The following PCNX1 variants were observed in gnomAD, a reference collection of about 807,000 sequenced individuals.
The protein encoded by PCNX1 is pecanex 1, also known as pecanex-like protein 1.
In PCNX1, 78 loss-of-function variants were observed where a neutral mutation model predicts 242.2. The ratio of observed to expected loss-of-function variants is 0.32; its 90% confidence interval spans 0.27 to 0.39. PCNX1 has a LOEUF of 0.39. Ranked by LOEUF, PCNX1 falls within the 10% of genes least tolerant of loss-of-function variation. The pLI, the probability that PCNX1 is intolerant of heterozygous loss-of-function variation, is 1.00. For missense variants in PCNX1, 2,581 were observed against 2,856.5 expected (o/e 0.90, Z 2.20); for synonymous variants, 1,024 against 1,032.9 (o/e 0.99, Z 0.17).
intron 1 of PCNX1, among the ~76,000 whole-genome samples, chr14:70,920,951 C>T (rs902215746): frequency 1.3e-5 from 2 of 152,124 alleles, no homozygotes; most frequent in African/African-American, 2.4e-5. Context: ...CATAATCTTC[C>T]CACTGGGCAA....
chr14:70,969,513 C>T (rs2058477573), intron 5 of PCNX1, among the ~76,000 whole-genome samples: 1 of 152,152 alleles, frequency 6.6e-6, no homozygotes, highest in African/African-American at 2.4e-5. Context: ...ACTGCAAAAA[C>T]AGCAATAAGT....
chr14:70,958,175 G>A (rs985423615), intron 2 of PCNX1, among the ~76,000 whole-genome samples: 1 of 151,954 alleles, frequency 6.6e-6, no homozygotes, highest in African/African-American at 2.4e-5. Flanking sequence ...TACTGAATTG[G>A]CCATATGTTT....
chr14:70,961,782 C>T (rs911137487), intron 2 of PCNX1, among the ~76,000 whole-genome samples: 1 of 152,106 alleles, frequency 6.6e-6, no homozygotes, highest in African/African-American at 2.4e-5. Flanking sequence ...CTGTATCATG[C>T]GGCTCATTGA....
intron 32 of PCNX1, 34 bp from the exon 33 acceptor site, chr14:71,105,201 G>A (rs757648823): frequency 6.6e-7 from 1 of 1,518,296 alleles, no homozygotes; most frequent in Non-Finnish European, 9.1e-7. Flanking sequence ...AGTGATCTTG[G>A]AATAATGCTT....
rs149220768 is a variant in PCNX1, at chr14:71,070,105, C to T, written c.4853-3440C>T. On this transcript the variant is annotated intron_variant, in intron 26 of 35. Transcript: ENST00000304743. ...GAGTCAATTTCTTCTCAAGAAACTG[C>T]TTTCTTCTCAACCATAAGAAACAAC... 2.6e-3 allele frequency among the ~76,000 whole-genome samples: 400 copies of T among 152,306 alleles called. 4 individuals are homozygous for T. The highest frequency in any genetic ancestry group is 9.2e-3 in the African/African-American group (383 of 41,582).
At chr14:71,040,482 G>A (rs1393072420) in intron 19 of PCNX1, among the ~76,000 whole-genome samples, 1 of 151,974 alleles carries the variant, frequency 6.6e-6, no homozygotes, top group African/African-American at 2.4e-5. Flanking sequence ...GTGGTTTACA[G>A]TTTTCATTAA....
chr14:70,971,118 T>G (rs1468322375), intron 5 of PCNX1, among the ~76,000 whole-genome samples: 1 of 3,086 alleles, frequency 3.2e-4, no homozygotes, highest in Admixed American at 4.3e-3. Context: ...TTATATAGTT[T>G]TTTTTTTTTT....
intron 22 of PCNX1, 147 bp downstream of exon 22, chr14:71,048,131 A>T: frequency 2.0e-6 from 1 of 506,706 alleles, no homozygotes; most frequent in Non-Finnish European, 3.5e-6. Flanking sequence ...GCACATTAGA[A>T]TCCCTAAACA....
chr14:71,095,771 ATATT>A (rs1444095726), intron 30 of PCNX1, among the ~76,000 whole-genome samples: 1 of 152,242 alleles, frequency 6.6e-6, no homozygotes, highest in Non-Finnish European at 1.5e-5. Context: ...AGAACTTTAC[ATATT>A]TATTCAACCA....
At chr14:70,910,619 A>G (rs1396314276) in intron 1 of PCNX1, among the ~76,000 whole-genome samples, 2 of 152,130 alleles carry the variant, frequency 1.3e-5, no homozygotes, top group East Asian at 1.9e-4. Context: ...TGAAATAGCA[A>G]CTTCCCCAGC....
At chr14:71,064,776 T>C (rs2061408391) in intron 26 of PCNX1, among the ~76,000 whole-genome samples, 1 of 152,012 alleles carries the variant, frequency 6.6e-6, no homozygotes, top group African/African-American at 2.4e-5. Context: ...CTGGCCCCCA[T>C]CCCCCGACAG....
chr14:70,924,942 G>T (rs1446109278), intron 1 of PCNX1, among the ~76,000 whole-genome samples: 2 of 151,134 alleles, frequency 1.3e-5, no homozygotes, highest in Non-Finnish European at 2.9e-5. Context: ...GACATTTTCA[G>T]ATATGCAATT....
intron 1 of PCNX1, among the ~76,000 whole-genome samples, chr14:70,923,069 CTTT>C (rs1566570931): frequency 6.6e-6 from 1 of 150,470 alleles, no homozygotes; most frequent in African/African-American, 2.4e-5. Flanking sequence ...ATCATGAATT[CTTT>C]GAGTATCTTT....
rs145285049 is a variant in PCNX1, at chr14:70,989,824, G to A, written c.2444+1125G>A. Reference sequence around the variant, plus strand: ...TGGAATTAGGGGCATGAGCCACTGCGTTCTGCCCCAAAAATGGATATACAT... The same window carrying A: ...TGGAATTAGGGGCATGAGCCACTGCATTCTGCCCCAAAAATGGATATACAT... On this transcript the variant is annotated intron_variant, in intron 7 of 35. Coordinates refer to ENST00000304743, the MANE Select transcript of PCNX1 (RefSeq NM_014982.3). Among the ~76,000 whole-genome samples the A allele has an allele frequency of 2.7e-3, 406 of 152,228 alleles. 2 individuals carry two copies. Among genetic ancestry groups the A allele is most frequent in the African/African-American group, 9.3e-3 (388 of 41,546 alleles).
At chr14:71,008,201 T>C (rs930976608) in intron 8 of PCNX1, among the ~76,000 whole-genome samples, 3 of 152,198 alleles carry the variant, frequency 2.0e-5, no homozygotes, top group African/African-American at 7.2e-5. Context: ...ATGCTTGAGA[T>C]GTTCTGTAAA....
At position 71,108,833 on chromosome 14, in the gene PCNX1, C is replaced by T. The variant is rs1400072610; in HGVS notation, c.6531C>T (p.Pro2177=). The T allele has an allele frequency of 6.2e-7, 1 of 1,614,236 alleles. No individual in the cohort carries two copies. The highest frequency in any genetic ancestry group is 2.2e-5 in the East Asian group (1 of 44,888). ...TGTCGATGGTGAACCAAATGGAACC[C>T]TCAGGTCAGAGCGGCCTGGCCTGTG... ...SRLSMVNQME[P]SGQSGLACVQ... The change falls in exon 34 of 36, where the codon CCC becomes CCT. Residue 2177 remains proline, a synonymous_variant. Coordinates refer to ENST00000304743, the MANE Select transcript of PCNX1 (RefSeq NM_014982.3).
intron 19 of PCNX1, among the ~76,000 whole-genome samples, chr14:71,041,607 A>T (rs1255730824): frequency 6.6e-6 from 1 of 151,972 alleles, no homozygotes; most frequent in Non-Finnish European, 1.5e-5. Flanking sequence ...AGCTAAAGGT[A>T]TGTCAATTTT....
chr14:70,963,278 C>A lies in PCNX1; in HGVS notation c.468+947C>A, dbSNP rs17108779. 8.6e-3 allele frequency among the ~76,000 whole-genome samples: 1,316 copies of A among 152,282 alleles called. 26 individuals carry two copies. The highest frequency in any genetic ancestry group is 0.03 in the African/African-American group (1,241 of 41,560). ...CTTATGGTGTTGACCCTTTCTTTTGCAGATGAGTACTTATTTATATGGCAC... is the reference window on the plus strand; with the variant it reads ...CTTATGGTGTTGACCCTTTCTTTTGAAGATGAGTACTTATTTATATGGCAC... On this transcript the variant is annotated intron_variant, in intron 3 of 35. Transcript: ENST00000304743.
intron 24 of PCNX1, among the ~76,000 whole-genome samples, chr14:71,054,522 G>A (rs138239399): frequency 8.5e-5 from 13 of 152,272 alleles, no homozygotes; most frequent in African/African-American, 2.6e-4. Context: ...TTGTCAACAA[G>A]TATTGCCAGT....
Sources: gnomAD v4.1 joint callset for allele counts (sites outside exome capture counted in the v4.1 genomes callset) on GRCh38, gnomAD v4.1.1 for gene constraint, MANE v1.5 for transcripts, NCBI Gene and HGNC (gene_info 2026-07-23, HGNC 2026-07-21) for gene names.